The following DCAF10 variants were observed in gnomAD, a reference collection of about 807,000 sequenced individuals.
DCAF10 encodes the protein DDB1 and CUL4 associated factor 10, also known as DDB1- and CUL4-associated factor 10.
A neutral mutation model predicts 51.9 loss-of-function variants in DCAF10; 19 were observed. The ratio of observed to expected loss-of-function variants is 0.37; its 90% confidence interval spans 0.26 to 0.54. The LOEUF (loss-of-function observed/expected upper bound fraction) is 0.54. Ranked by LOEUF, DCAF10 falls within the 20% of genes least tolerant of loss-of-function variation. DCAF10 has a pLI of 0.87. For synonymous variants in DCAF10, 291 were observed against 297.1 expected, an observed-to-expected ratio of 0.98 and a Z score of 0.21; for missense variants, 510 against 730.6, an observed-to-expected ratio of 0.70 and a Z score of 3.48.
intron 1 of DCAF10, among the ~76,000 whole-genome samples, chr9:37,815,649 TA>T (rs11405685): frequency 7.8e-4 from 110 of 141,382 alleles, no homozygotes; most frequent in East Asian, 1.7e-3. Flanking sequence ...CTGTCTCCAA[TA>T]AAAAAAAAAA....
chr9:37,832,872 T>G (rs78712290), intron 2 of DCAF10, among the ~76,000 whole-genome samples: 1 of 151,284 alleles, frequency 6.6e-6, no homozygotes, highest in African/African-American at 2.5e-5. Flanking sequence ...TTTTGTTTTG[T>G]TTTTTATTTT....
chr9:37,863,327 A>AAAAAAAAAAAAAAT lies in DCAF10; in HGVS notation c.*1832_*1833insTAAAAAAAAAAAAA. On this transcript the variant is annotated 3_prime_UTR_variant, in exon 7 of 7. Coordinates refer to ENST00000377724, the MANE Select transcript of DCAF10 (RefSeq NM_024345.5). ...GGCGACAGAGCGAGACTCTGTCTCAAAAAAAAAAAAAAAAAAAAAAAATTC... is the reference window on the plus strand; with the variant it reads ...GGCGACAGAGCGAGACTCTGTCTCAAAAAAAAAAAAAAATAAAAAAAAAAAAAAAAAAAAAATTC... 7.1e-6 allele frequency: 1 copy of AAAAAAAAAAAAAAT among 141,382 alleles called. No individual in the cohort carries two copies. 8.8% of individuals were successfully genotyped at this position (141,382 alleles called of 1,614,324 possible). A position where few individuals can be genotyped will look rare whatever the true frequency, so the allele number is the denominator to read the frequency against.
intron 3 of DCAF10, among the ~76,000 whole-genome samples, chr9:37,851,615 T>G (rs1830653312): frequency 6.6e-6 from 1 of 151,344 alleles, no homozygotes; most frequent in Non-Finnish European, 1.5e-5. Flanking sequence ...GTCAACATGG[T>G]AAAACCCCAT....
intron 2 of DCAF10, among the ~76,000 whole-genome samples, chr9:37,831,290 A>G (rs943521507): frequency 6.6e-6 from 1 of 152,252 alleles, no homozygotes; most frequent in Non-Finnish European, 1.5e-5. Context: ...TTATTTATTA[A>G]TAATACTAAC....
intron 1 of DCAF10, among the ~76,000 whole-genome samples, chr9:37,807,360 A>G (rs1195501751): frequency 1.3e-5 from 2 of 152,142 alleles, no homozygotes; most frequent in Non-Finnish European, 2.9e-5. Context: ...TATCATGACT[A>G]CAAGTTATTT....
intron 3 of DCAF10, among the ~76,000 whole-genome samples, chr9:37,850,465 T>C (rs1470063404): frequency 6.6e-6 from 1 of 152,154 alleles, no homozygotes; most frequent in East Asian, 1.9e-4. Flanking sequence ...AAGGAAATTT[T>C]GTCATTTGCG....
At chr9:37,826,051 A>G (rs902657083) in intron 2 of DCAF10, among the ~76,000 whole-genome samples, 1 of 148,268 alleles carries the variant, frequency 6.7e-6, no homozygotes, top group Non-Finnish European at 1.5e-5. Flanking sequence ...AAAAAAAAAA[A>G]GTTTAAAAAA....
chr9:37,850,610 G>C (rs1016251567), intron 3 of DCAF10, among the ~76,000 whole-genome samples: 2 of 151,674 alleles, frequency 1.3e-5, no homozygotes, highest in South Asian at 2.1e-4. Context: ...GGTTACCAGG[G>C]ACTGGGGACA....
In DCAF10 at chr9:37,829,141, G is replaced by T. The variant is rs570506094; in HGVS notation, c.653+9740G>T. On this transcript the variant is annotated intron_variant, in intron 2 of 6. Transcript: ENST00000377724. The surrounding 1 kb of genome is among the most constrained non-coding windows in gnomAD (Gnocchi z 4.2). Reference sequence around the variant, plus strand: ...ATAGCCCTTTAGCAAAAGAGGCAGAGAATCACCTAAGATAAACTACAATGA... The same window carrying T: ...ATAGCCCTTTAGCAAAAGAGGCAGATAATCACCTAAGATAAACTACAATGA... 4.6e-5 allele frequency among the ~76,000 whole-genome samples: 7 copies of T among 152,300 alleles called. No homozygotes were observed. Among genetic ancestry groups the T allele is most frequent in the African/African-American group, 1.7e-4 (7 of 41,572 alleles).
At position 37,842,103 on chromosome 9, in the gene DCAF10, G is replaced by T; in HGVS notation, c.668G>T (p.Arg223Leu). Reference protein sequence around the residue: ...CVNNIRFLDNRLFATCSDDTT... With the variant: ...CVNNIRFLDNLLFATCSDDTT... ...TGCTTTTATAGATTTCTTGATAACC[G>T]GCTGTTTGCTACCTGCTCTGATGAC... The change falls in exon 3 of 7, where the codon CGG (arginine) becomes CTG (leucine). Residue 223 changes from arginine (R) to leucine (L), a missense_variant. By Grantham distance (102) the Arg-to-Leu change is moderately radical. Transcript: ENST00000377724. 6.2e-7 allele frequency: 1 copy of T among 1,605,012 alleles called. No individual in the cohort carries two copies. Among genetic ancestry groups the T allele is most frequent in the Non-Finnish European group, 8.5e-7 (1 of 1,177,382 alleles).
At position 37,801,201 on chromosome 9, in the gene DCAF10, T is replaced by A; in HGVS notation, c.335T>A (p.Leu112His). The change falls in exon 1 of 7, where the codon CTC becomes CAC. Residue 112 changes from leucine to histidine, a missense_variant. This residue lies in a region of DCAF10 where 251 missense variants were observed against 227.9 expected (regional missense o/e 1.10). Transcript: ENST00000377724. The surrounding 1 kb of genome is among the most constrained non-coding windows in gnomAD (Gnocchi z 5.5). ...GCCAAGAGCCGGGGCCGACACGGCC[T>A]CGGCGCGGGCCTGGGCGGCCCTGGC... ...CRAKSRGRHG[L>H]GAGLGGPGAR... 6.5e-7 allele frequency: 1 copy of A among 1,549,670 alleles called. No homozygotes were observed. Among genetic ancestry groups the A allele is most frequent in the Non-Finnish European group, 8.7e-7 (1 of 1,150,236 alleles).
At chr9:37,805,631 A>G (rs1348686782) in intron 1 of DCAF10, among the ~76,000 whole-genome samples, 1 of 152,200 alleles carries the variant, frequency 6.6e-6, no homozygotes, top group African/African-American at 2.4e-5. Flanking sequence ...CCAGACTAGT[A>G]CAAGAAAAAG....
At chr9:37,828,427 T>C (rs1209443079) in intron 2 of DCAF10, among the ~76,000 whole-genome samples, 3 of 150,754 alleles carry the variant, frequency 2.0e-5, no homozygotes, top group African/African-American at 7.4e-5. Flanking sequence ...CTGAGCAAAA[T>C]AGCAAGACCC....
intron 1 of DCAF10, among the ~76,000 whole-genome samples, chr9:37,804,121 T>C (rs765508439): frequency 1.3e-5 from 2 of 151,618 alleles, no homozygotes; most frequent in East Asian, 1.9e-4. Context: ...TATTGGAAAA[T>C]AGAAGCAAAG....
At chr9:37,806,313 A>G (rs1432817227) in intron 1 of DCAF10, among the ~76,000 whole-genome samples, 1 of 152,184 alleles carries the variant, frequency 6.6e-6, no homozygotes, top group African/African-American at 2.4e-5. Flanking sequence ...ATAGTAACCA[A>G]TTATATAGCA....
Position 37,801,669 on chromosome 9 carries a change from C to T in DCAF10, c.539+264C>T, listed in dbSNP as rs1828953054. On this transcript the variant is annotated intron_variant, in intron 1 of 6. Transcript: ENST00000377724. This position sits in a 1 kb window ranked among gnomAD's most constrained non-coding sequence, Gnocchi z 5.5. ...TGAAGGAGAAATGCCCGAAGCTACA[C>T]AGCGGACCTGTCAGAGCCAGCCCAC... Among the ~76,000 whole-genome samples the T allele has an allele frequency of 6.6e-6, 1 of 152,254 alleles. No homozygotes were observed. Among genetic ancestry groups the T allele is most frequent in the Non-Finnish European group, 1.5e-5 (1 of 68,046 alleles).
chr9:37,860,230 T>G, intron 6 of DCAF10, 37 bp downstream of exon 6: 1 of 1,611,660 alleles, frequency 6.2e-7, no homozygotes, highest in Non-Finnish European at 8.5e-7. Context: ...ACAGGGCTCA[T>G]TGGACAAATT....
chr9:37,815,985 G>A (rs1403806592), intron 1 of DCAF10, among the ~76,000 whole-genome samples: 1 of 152,076 alleles, frequency 6.6e-6, no homozygotes, highest in East Asian at 1.9e-4. Flanking sequence ...GTAGAGACAA[G>A]GTCTCACTGT....
intron 2 of DCAF10, among the ~76,000 whole-genome samples, chr9:37,832,455 T>C (rs544573497): frequency 6.7e-6 from 1 of 150,276 alleles, no homozygotes; most frequent in Admixed American, 6.6e-5. Flanking sequence ...CGAGACTCCG[T>C]CTCAAAAAAA....
Sources: gnomAD v4.1 joint callset for allele counts (sites outside exome capture counted in the v4.1 genomes callset) on GRCh38, gnomAD v4.1.1 for gene constraint, gnomAD v4.1.1 regional missense constraint, Gnocchi (gnomAD v3.1) non-coding constraint, MANE v1.5 for transcripts, NCBI Gene and HGNC (gene_info 2026-07-23, HGNC 2026-07-21) for gene names.